GRAMD1B: variants seen among roughly 807,000 people sequenced by gnomAD.
GRAMD1B encodes GRAM domain containing 1B.
Under a neutral mutation model 99.7 loss-of-function variants are expected in GRAMD1B, and 37 were observed. The ratio of observed to expected loss-of-function variants is 0.37; its 90% CI spans 0.29 to 0.49. The LOEUF (loss-of-function observed/expected upper bound fraction) is 0.49. GRAMD1B is among the 20% of genes least tolerant of loss of function. The pLI, the probability that GRAMD1B is intolerant of heterozygous loss-of-function variation, is 0.98. For missense variants in GRAMD1B, 888 were observed against 1,009.2 expected (o/e 0.88, Z 1.63); for synonymous variants, 427 against 387.6 (o/e 1.10, Z -1.19).
At chr11:123,398,559 A>T (rs539283433) in intron 1 of GRAMD1B, among the ~76,000 whole-genome samples, 30 of 152,204 alleles carry the variant, frequency 2.0e-4, no homozygotes, top group Non-Finnish European at 4.4e-4. Context: ...TGTATGAGAA[A>T]TCCAGTTGTT....
At chr11:123,384,686 T>C (rs895597641) in intron 1 of GRAMD1B, among the ~76,000 whole-genome samples, 3 of 152,232 alleles carry the variant, frequency 2.0e-5, no homozygotes, top group African/African-American at 4.8e-5. Context: ...GAATGAAGAA[T>C]AGATTTAAAA....
At chr11:123,598,575 A>G in intron 7 of GRAMD1B, 4 of 1,553,716 alleles carry the variant, frequency 2.6e-6, no homozygotes, top group Non-Finnish European at 3.5e-6. Flanking sequence ...AAGTGACTCT[A>G]GGGACTTTCC....
chr11:123,497,857 C>T (rs1417268196), intron 2 of GRAMD1B, among the ~76,000 whole-genome samples: 2 of 146,628 alleles, frequency 1.4e-5, no homozygotes, highest in South Asian at 2.2e-4. Flanking sequence ...GCCAAGATTT[C>T]GCCACCACTC....
intron 1 of GRAMD1B, among the ~76,000 whole-genome samples, chr11:123,373,536 C>A (rs551989819): frequency 3.9e-4 from 60 of 152,076 alleles, no homozygotes; most frequent in Non-Finnish European, 7.9e-4. Flanking sequence ...AAACAGGGAC[C>A]AAGGAAATGT....
At chr11:123,617,277 G>A (rs189750685) in intron 17 of GRAMD1B, among the ~76,000 whole-genome samples, 3 of 150,196 alleles carry the variant, frequency 2.0e-5, no homozygotes, top group East Asian at 2.0e-4. Flanking sequence ...TCCCCTTCCC[G>A]GGCTCAAGCA....
At position 123,610,589 on chromosome 11, in the gene GRAMD1B, GTA is replaced by G. The variant is rs1289705440; in HGVS notation, c.1919+254_1919+255del. ...TTATTGGTTGTCTGTGGCTTATACA[GTA>G]TAGTGTAGGCGCTTTACCTACATTC... On this transcript the variant is annotated intron_variant, in intron 14 of 19. Coordinates refer to ENST00000635736, the MANE Select transcript of GRAMD1B (RefSeq NM_001387025.1). This position sits in a 1 kb window ranked among gnomAD's most constrained non-coding sequence, Gnocchi z 4.1. 6.6e-6 allele frequency among the ~76,000 whole-genome samples: 1 copy of G among 152,216 alleles called. No homozygotes were observed. The highest frequency in any genetic ancestry group is 1.5e-5 in the Non-Finnish European group (1 of 68,040).
Position 123,626,147 on chromosome 11 carries a change from A to G in GRAMD1B, c.*3552A>G, listed in dbSNP as rs1955502899. 6.6e-6 allele frequency: 1 copy of G among 152,170 alleles called. No individual in the cohort carries two copies. Among genetic ancestry groups the G allele is most frequent in the Non-Finnish European group, 1.5e-5 (1 of 68,044 alleles). The allele number at this position is 152,170 out of a possible 1,614,324, so 9.4% of individuals were successfully genotyped here. Reference sequence around the variant, plus strand: ...GGTCTGTTCAGCCTTTCATCTATCCATCCTTCCTCTTTATTGGTAGAAGAA... The same window carrying G: ...GGTCTGTTCAGCCTTTCATCTATCCGTCCTTCCTCTTTATTGGTAGAAGAA... On this transcript the variant is annotated 3_prime_UTR_variant, in exon 20 of 20. Transcript: ENST00000635736.
At chr11:123,570,488 A>G (rs1592058549) in intron 2 of GRAMD1B, among the ~76,000 whole-genome samples, 1 of 149,228 alleles carries the variant, frequency 6.7e-6, no homozygotes, top group Non-Finnish European at 1.5e-5. Flanking sequence ...CAGTAGCACA[A>G]TCTCAACTCC....
At chr11:123,509,043 T>C (rs1282919713) in intron 2 of GRAMD1B, among the ~76,000 whole-genome samples, 4 of 152,188 alleles carry the variant, frequency 2.6e-5, no homozygotes, top group African/African-American at 4.8e-5. Flanking sequence ...TTGTTTTTTT[T>C]CTGTGGTCTT....
intron 2 of GRAMD1B, among the ~76,000 whole-genome samples, chr11:123,549,404 T>C (rs966113712): frequency 1.3e-5 from 2 of 151,946 alleles, no homozygotes; most frequent in African/African-American, 2.4e-5. Flanking sequence ...TAGCTGGCCA[T>C]GGTGGCGGGT....
At position 123,489,312 on chromosome 11, in the gene GRAMD1B, GA is replaced by G. The variant is rs764255577; in HGVS notation, c.452+8422del. On this transcript the variant is annotated intron_variant, in intron 2 of 19. Transcript: ENST00000635736. ...TACTCATGGAGTGTGCCAGTGGATA[GA>G]AACACTAGGCCATTGGCTACACCGT... is the stretch of plus-strand genomic sequence containing the variant. 5.3e-4 allele frequency among the ~76,000 whole-genome samples: 80 copies of G among 152,152 alleles called. 1 individual carries two copies. The highest frequency in any genetic ancestry group is 1.0e-3 in the Non-Finnish European group (68 of 68,032).
chr11:123,451,866 T>G (rs749355806), intron 1 of GRAMD1B, among the ~76,000 whole-genome samples: 10 of 151,960 alleles, frequency 6.6e-5, no homozygotes, highest in Non-Finnish European at 1.5e-5. Context: ...TATGGTGGTG[T>G]TCTCTCGCCC....
At chr11:123,445,836 AAAC>A (rs1405109042) in intron 1 of GRAMD1B, among the ~76,000 whole-genome samples, 3 of 151,456 alleles carry the variant, frequency 2.0e-5, no homozygotes, top group Admixed American at 2.0e-4. Flanking sequence ...AAAAAAAAAA[AAAC>A]AAGACAAACA....
At chr11:123,414,735 C>T (rs1364950321) in intron 1 of GRAMD1B, among the ~76,000 whole-genome samples, 1 of 152,122 alleles carries the variant, frequency 6.6e-6, no homozygotes, top group Non-Finnish European at 1.5e-5. Context: ...GTGTTTTGTT[C>T]AGAACAGTGT....
chr11:123,611,154 G>A (rs965306703), intron 14 of GRAMD1B, among the ~76,000 whole-genome samples: 1 of 152,212 alleles, frequency 6.6e-6, no homozygotes, highest in African/African-American at 2.4e-5. Context: ...TGCGCATCAA[G>A]AGGGACCTTT....
intron 2 of GRAMD1B, among the ~76,000 whole-genome samples, chr11:123,541,707 T>G (rs1235051846): frequency 6.6e-6 from 1 of 152,186 alleles, no homozygotes; most frequent in African/African-American, 2.4e-5. Context: ...TATATAAGTT[T>G]GTTGGTTTGT....
In GRAMD1B at chr11:123,587,640, G is replaced by A. The variant is rs191998194; in HGVS notation, c.684+3308G>A. Reference sequence around the variant, plus strand: ...CTTCTCCATGGCAGCCCCAGAAGGAGCATTTCTGAGATCAGAGCACAGGAG... The same window carrying A: ...CTTCTCCATGGCAGCCCCAGAAGGAACATTTCTGAGATCAGAGCACAGGAG... On this transcript the variant is annotated intron_variant, in intron 4 of 19. Transcript: ENST00000635736. The surrounding 1 kb of genome is among the most constrained non-coding windows in gnomAD (Gnocchi z 4.2). 6.6e-6 allele frequency among the ~76,000 whole-genome samples: 1 copy of A among 152,306 alleles called. No individual in the cohort carries two copies. Among genetic ancestry groups the A allele is most frequent in the East Asian group, 1.9e-4 (1 of 5,166 alleles).
intron 7 of GRAMD1B, chr11:123,598,618 C>T (rs1344729000): frequency 2.8e-6 from 4 of 1,435,562 alleles, no homozygotes; most frequent in African/African-American, 1.4e-5. Context: ...GCTCGCTCTT[C>T]TGGGATCCTG....
chr11:123,622,561 C>T lies in GRAMD1B; in HGVS notation c.2600C>T (p.Ser867Leu), dbSNP rs370949646. ...GGCATCAGGTCCCGCGACTACACGT[C>T]GGAAAGTGAAGAAAAGAGGAATCGC... The part of the protein sequence containing the change: ...QNGIRSRDYT[S>L]ESEEKRNRYH The change falls in exon 20 of 20, where the codon TCG becomes TTG. Residue 867 changes from serine (S) to leucine (L), a missense_variant. By Grantham distance (145) the Ser-to-Leu change is moderately radical (BLOSUM62 -2). Transcript: ENST00000635736. 60 of 1,557,266 alleles carry T rather than the reference C, an allele frequency of 3.9e-5. No homozygotes were observed. The highest frequency in any genetic ancestry group is 7.7e-5 in the Admixed American group (4 of 51,910).
Sources: allele counts gnomAD v4.1 joint callset (sites outside exome capture counted in the v4.1 genomes callset), GRCh38; gene constraint gnomAD v4.1.1; non-coding constraint Gnocchi (gnomAD v3.1); transcripts MANE v1.5; gene names NCBI Gene and HGNC (gene_info 2026-07-23, HGNC 2026-07-21).